Variants in SLC4A10 observed in about 807,000 individuals in gnomAD.
SLC4A10 encodes sodium-driven chloride bicarbonate exchanger.
In SLC4A10, 42 loss-of-function variants were observed where a neutral mutation model predicts 137.7. The observed-to-expected ratio is 0.30, with a 90% confidence interval of 0.24 to 0.39. The LOEUF (loss-of-function observed/expected upper bound fraction) is 0.39, where lower values mean the gene tolerates loss of function less well. Ranked by LOEUF, SLC4A10 falls within the 10% of genes least tolerant of loss-of-function variation. The probability of loss-of-function intolerance (pLI) is 1.00; values close to 1 mark genes in which losing one functional copy is unlikely to be tolerated. For missense variants in SLC4A10, 925 were observed against 1,355.0 expected (o/e 0.68, Z 4.98); for synonymous variants, 474 against 464.1 (o/e 1.02, Z -0.27).
At chr2:161,750,805 T>A (rs955225043) in intron 1 of SLC4A10, among the ~76,000 whole-genome samples, 22 of 151,726 alleles carry the variant, frequency 1.4e-4, no homozygotes, top group African/African-American at 5.3e-4. Flanking sequence ...TTTTTGAAGG[T>A]GGGGTGTTGA....
chr2:161,695,936 A>C (rs2042442616), intron 1 of SLC4A10, among the ~76,000 whole-genome samples: 1 of 152,006 alleles, frequency 6.6e-6, no homozygotes, highest in Non-Finnish European at 1.5e-5. Context: ...ATTATACTTT[A>C]AGTTCTAGGG....
intron 1 of SLC4A10, among the ~76,000 whole-genome samples, chr2:161,739,102 A>G (rs183589094): frequency 6.6e-6 from 1 of 152,298 alleles, no homozygotes; most frequent in East Asian, 1.9e-4. Context: ...GGACCACTGC[A>G]TCAAGTGGGT....
chr2:161,757,961 ATTAATCAAGAAT>A (rs1351798498), intron 1 of SLC4A10, among the ~76,000 whole-genome samples: 1 of 152,120 alleles, frequency 6.6e-6, no homozygotes, highest in Non-Finnish European at 1.5e-5. Flanking sequence ...TTAAGAAGTT[ATTAATCAAGAAT>A]CCTACGTATA....
At chr2:161,884,137 A>G (rs1031753790) in intron 10 of SLC4A10, among the ~76,000 whole-genome samples, 1 of 152,136 alleles carries the variant, frequency 6.6e-6, no homozygotes, top group Admixed American at 6.6e-5. Flanking sequence ...ACAGTATAAA[A>G]GCTCTTAGTA....
At chr2:161,644,732 G>T (rs577210682) in intron 1 of SLC4A10, among the ~76,000 whole-genome samples, 1 of 152,240 alleles carries the variant, frequency 6.6e-6, no homozygotes, top group South Asian at 2.1e-4. Flanking sequence ...CTTTGAAATA[G>T]TGTTTATGAT....
intron 25 of SLC4A10, among the ~76,000 whole-genome samples, 199 bp from the exon 26 acceptor site, chr2:161,977,523 A>G (rs979064908): frequency 1.3e-5 from 2 of 152,168 alleles, no homozygotes; most frequent in Admixed American, 1.3e-4. Context: ...GGATTTATAA[A>G]TAAGAGTTCA....
chr2:161,802,712 C>G (rs2055505435), intron 2 of SLC4A10, among the ~76,000 whole-genome samples: 1 of 152,080 alleles, frequency 6.6e-6, no homozygotes, highest in African/African-American at 2.4e-5. Flanking sequence ...AGATGGCTAG[C>G]CAGGTGGGTC....
At chr2:161,698,422 A>T (rs1248410229) in intron 1 of SLC4A10, among the ~76,000 whole-genome samples, 1 of 152,200 alleles carries the variant, frequency 6.6e-6, no homozygotes, top group African/African-American at 2.4e-5. Context: ...TTGCCCATTC[A>T]GCATGATATT....
chr2:161,874,454 C>T (rs2061340535), intron 8 of SLC4A10, among the ~76,000 whole-genome samples: 3 of 152,186 alleles, frequency 2.0e-5, no homozygotes, highest in East Asian at 1.9e-4. Context: ...TTCAAGAATA[C>T]TTCATCACAT....
chr2:161,950,381 G>T (rs1047516891), intron 18 of SLC4A10, among the ~76,000 whole-genome samples: 13 of 151,992 alleles, frequency 8.6e-5, no homozygotes, highest in Non-Finnish European at 1.6e-4. Context: ...AAGTCTGTCA[G>T]AGTTTAAATC....
intron 2 of SLC4A10, among the ~76,000 whole-genome samples, chr2:161,781,521 C>A (rs888091007): frequency 6.6e-6 from 1 of 151,936 alleles, no homozygotes; most frequent in South Asian, 2.1e-4. Context: ...GGAAAAAGAA[C>A]TTGTTTGCTG....
At chr2:161,852,201 A>C (rs1442193062) in intron 4 of SLC4A10, among the ~76,000 whole-genome samples, 1 of 152,222 alleles carries the variant, frequency 6.6e-6, no homozygotes, top group East Asian at 1.9e-4. Flanking sequence ...CCATAGAGAA[A>C]AACCTGTATT....
intron 15 of SLC4A10, among the ~76,000 whole-genome samples, 177 bp downstream of exon 15, chr2:161,906,064 T>C (rs1457502552): frequency 6.6e-6 from 1 of 152,248 alleles, no homozygotes; most frequent in Non-Finnish European, 1.5e-5. Context: ...GCCACTCATC[T>C]GCTACTTGCA....
chr2:161,909,838 T>C (rs1685404253), intron 15 of SLC4A10, among the ~76,000 whole-genome samples: 1 of 152,212 alleles, frequency 6.6e-6, no homozygotes, highest in African/African-American at 2.4e-5. Context: ...AACATTTACT[T>C]TGGTGAATTC....
intron 2 of SLC4A10, among the ~76,000 whole-genome samples, chr2:161,794,601 A>C (rs1031452479): frequency 6.6e-6 from 1 of 152,158 alleles, no homozygotes; most frequent in Non-Finnish European, 1.5e-5. Flanking sequence ...TTATTGAGGT[A>C]AATTGATCAG....
intron 16 of SLC4A10, among the ~76,000 whole-genome samples, chr2:161,945,180 GTGTATA>G (rs1559596451): frequency 6.3e-5 from 6 of 94,738 alleles, no homozygotes; most frequent in East Asian, 4.3e-4. Context: ...TTAAGTTTGT[GTGTATA>G]TATATATATA....
chr2:161,820,462 CATT>C (rs2057520237), intron 3 of SLC4A10, among the ~76,000 whole-genome samples: 1 of 152,192 alleles, frequency 6.6e-6, no homozygotes, highest in African/African-American at 2.4e-5. Context: ...CATTACCAGT[CATT>C]AGGTTTTCCA....
intron 10 of SLC4A10, among the ~76,000 whole-genome samples, chr2:161,888,893 C>A (rs1559468133): frequency 6.6e-6 from 1 of 152,006 alleles, no homozygotes; most frequent in Non-Finnish European, 1.5e-5. Flanking sequence ...CCAGCTTTTG[C>A]CTATTCAGTA....
At chr2:161,816,582 A>T (rs1190584053) in intron 3 of SLC4A10, among the ~76,000 whole-genome samples, 1 of 150,798 alleles carries the variant, frequency 6.6e-6, no homozygotes, top group African/African-American at 2.4e-5. Context: ...GCACCCATTA[A>T]CTCGTCATTT....
Sources: allele counts gnomAD v4.1 joint callset (sites outside exome capture counted in the v4.1 genomes callset), GRCh38; gene constraint gnomAD v4.1.1; transcripts MANE v1.5; gene names NCBI Gene and HGNC (gene_info 2026-07-23, HGNC 2026-07-21).